The following ROBO2 variants were observed in gnomAD, a reference collection of about 807,000 sequenced individuals.
ROBO2 encodes roundabout guidance receptor 2.
A neutral mutation model predicts 160.8 loss-of-function variants in ROBO2; 53 were observed. The observed-to-expected ratio is 0.33, with a 90% CI of 0.26 to 0.41. The LOEUF (loss-of-function observed/expected upper bound fraction) is 0.41. ROBO2 is among the 10% of genes least tolerant of loss of function. The pLI, the probability that ROBO2 is intolerant of heterozygous loss-of-function variation, is 1.00. For synonymous variants in ROBO2, 664 were observed against 611.7 expected (o/e 1.09, Z -1.26); for missense variants, 1,577 against 1,722.4 (o/e 0.92, Z 1.49).
At chr3:76,945,713 T>C (rs1451800774) in intron 2 of ROBO2, among the ~76,000 whole-genome samples, 1 of 152,204 alleles carries the variant, frequency 6.6e-6, no homozygotes, top group Non-Finnish European at 1.5e-5. Context: ...TTCAGCAATT[T>C]CTTATTGGCC....
At chr3:77,599,917 G>C (rs576623854) in intron 19 of ROBO2, among the ~76,000 whole-genome samples, 1 of 152,240 alleles carries the variant, frequency 6.6e-6, no homozygotes, top group South Asian at 2.1e-4. Flanking sequence ...ATACAGTGAA[G>C]GAGACAGTCA....
chr3:77,509,960 G>T (rs924011091), intron 5 of ROBO2, among the ~76,000 whole-genome samples: 1 of 151,998 alleles, frequency 6.6e-6, no homozygotes, highest in Non-Finnish European at 1.5e-5. Flanking sequence ...GGAGAGAGAG[G>T]TGGGAGGTAT....
intron 2 of ROBO2, among the ~76,000 whole-genome samples, chr3:76,319,319 G>A (rs567326255): frequency 1.3e-5 from 2 of 152,126 alleles, no homozygotes; most frequent in Non-Finnish European, 2.9e-5. Context: ...ACTCCACACT[G>A]GGTTTTTGAA....
At chr3:77,160,632 C>T (rs2078403252) in intron 2 of ROBO2, among the ~76,000 whole-genome samples, 2 of 152,174 alleles carry the variant, frequency 1.3e-5, no homozygotes, top group Admixed American at 6.5e-5. Context: ...GTAACTGTGG[C>T]GAAACCATTT....
At chr3:76,873,872 G>A (rs2072410290) in intron 2 of ROBO2, among the ~76,000 whole-genome samples, 1 of 152,134 alleles carries the variant, frequency 6.6e-6, no homozygotes, top group East Asian at 1.9e-4. Flanking sequence ...GAGGCATATT[G>A]TGTATCTGAA....
intron 2 of ROBO2, among the ~76,000 whole-genome samples, chr3:77,256,819 T>C (rs1453099032): frequency 6.6e-6 from 1 of 152,216 alleles, no homozygotes; most frequent in South Asian, 2.1e-4. Context: ...TAATTTTTAT[T>C]GTGCACCCAG....
At chr3:76,015,989 A>G (rs562727217) in intron 2 of ROBO2, among the ~76,000 whole-genome samples, 1 of 152,336 alleles carries the variant, frequency 6.6e-6, no homozygotes, top group African/African-American at 2.4e-5. Flanking sequence ...AGAAAAAATG[A>G]GAGAACTTTT....
At chr3:77,497,692 A>G (rs2086983108) in intron 5 of ROBO2, among the ~76,000 whole-genome samples, 1 of 152,136 alleles carries the variant, frequency 6.6e-6, no homozygotes, top group Non-Finnish European at 1.5e-5. Context: ...AGTGCCTTCA[A>G]TACATCTTTT....
At chr3:75,952,655 G>C (rs191270559) in intron 2 of ROBO2, among the ~76,000 whole-genome samples, 9 of 152,026 alleles carry the variant, frequency 5.9e-5, no homozygotes, top group African/African-American at 1.7e-4. Flanking sequence ...AAAGTCTGTA[G>C]TTTATATTAG....
At chr3:76,968,284 T>G (rs1233282225) in intron 2 of ROBO2, among the ~76,000 whole-genome samples, 3 of 152,150 alleles carry the variant, frequency 2.0e-5, no homozygotes, top group Non-Finnish European at 4.4e-5. Flanking sequence ...TTTATGAAAT[T>G]TCTAATATCA....
At chr3:76,586,205 A>G (rs2086028384) in intron 2 of ROBO2, among the ~76,000 whole-genome samples, 1 of 152,230 alleles carries the variant, frequency 6.6e-6, no homozygotes, top group African/African-American at 2.4e-5. Flanking sequence ...ACAGCTGAAA[A>G]TCATAGCTAT....
At chr3:76,119,353 A>AT (rs5850234) in intron 2 of ROBO2, among the ~76,000 whole-genome samples, 54 of 151,270 alleles carry the variant, frequency 3.6e-4, no homozygotes, top group Non-Finnish European at 5.6e-4. Flanking sequence ...AACTTTCGTA[A>AT]TTTTTTTTTA....
chr3:77,642,495 A>T (rs1311953020), intron 24 of ROBO2, among the ~76,000 whole-genome samples, 176 bp from the exon 26 acceptor site: 3 of 152,232 alleles, frequency 2.0e-5, no homozygotes, highest in African/African-American at 4.8e-5. Context: ...TGGCCAAAAG[A>T]CAGCAGAGAG....
chr3:77,281,324 C>A (rs1418283645), intron 2 of ROBO2, among the ~76,000 whole-genome samples: 2 of 152,034 alleles, frequency 1.3e-5, no homozygotes, highest in African/African-American at 2.4e-5. Context: ...TCGTTACCTC[C>A]CAGACACTTG....
chr3:76,886,507 A>G (rs949389155), intron 2 of ROBO2, among the ~76,000 whole-genome samples: 1 of 152,112 alleles, frequency 6.6e-6, no homozygotes, highest in Non-Finnish European at 1.5e-5. Flanking sequence ...TGGCTACTTC[A>G]GAAGGAGGGA....
intron 2 of ROBO2, among the ~76,000 whole-genome samples, chr3:77,451,867 G>T (rs1257821067): frequency 1.3e-5 from 2 of 151,708 alleles, no homozygotes. Flanking sequence ...TTGGTGTGCT[G>T]CACCCATTAA....
intron 2 of ROBO2, among the ~76,000 whole-genome samples, chr3:76,680,247 C>T (rs2092521843): frequency 6.6e-6 from 1 of 151,810 alleles, no homozygotes. Flanking sequence ...ATGTATAAGC[C>T]TTACCTCCTA....
chr3:77,185,706 C>T (rs879745628), intron 2 of ROBO2, among the ~76,000 whole-genome samples: 3 of 152,022 alleles, frequency 2.0e-5, no homozygotes, highest in Admixed American at 2.0e-4. Flanking sequence ...AAGATAACTG[C>T]ATGCACATGT....
intron 2 of ROBO2, among the ~76,000 whole-genome samples, chr3:75,952,312 C>T (rs903822888): frequency 6.6e-6 from 1 of 151,820 alleles, no homozygotes; most frequent in African/African-American, 2.4e-5. Context: ...TCATTAAAAT[C>T]AATTTCTCTA....
Sources: allele counts gnomAD v4.1 joint callset (sites outside exome capture counted in the v4.1 genomes callset), GRCh38; gene constraint gnomAD v4.1.1; transcripts MANE v1.5; gene names NCBI Gene and HGNC (gene_info 2026-07-23, HGNC 2026-07-21).